ADGRG2: variants seen among roughly 807,000 people sequenced by gnomAD.
The protein encoded by ADGRG2 is adhesion G protein-coupled receptor G2, also known as G protein-coupled receptor 64.
ADGRG2 carries 26 observed loss-of-function variants against 74.1 expected under a neutral mutation model. The ratio of observed to expected loss-of-function variants is 0.35; its 90% CI spans 0.26 to 0.49. ADGRG2 has a LOEUF of 0.49. Among genes scored for constraint, ADGRG2 ranks in the 20% least tolerant of loss-of-function variants. The pLI is 0.99. For synonymous variants in ADGRG2, 296 were observed against 295.2 expected (o/e 1.00, Z -0.03); for missense variants, 619 against 763.1 (o/e 0.81, Z 2.22).
chrX:18,994,780 T>C, intron 28 of ADGRG2, 116 bp downstream of exon 28: 1 of 422,965 alleles, frequency 2.4e-6, no homozygotes, highest in Non-Finnish European at 3.9e-6. Context: ...TTTGATCCAC[T>C]AGTCATATAT....
At chrX:19,028,325 A>G (rs1288231667) in intron 9 of ADGRG2, 87 bp from the exon 10 acceptor site, 1 of 435,297 alleles carries the variant, frequency 2.3e-6, no homozygotes, top group Non-Finnish European at 4.0e-6. Context: ...TTATCAAATT[A>G]TAAAGTTTCA....
At chrX:19,066,629 A>G (rs1304154841) in intron 3 of ADGRG2, among the ~76,000 whole-genome samples, 1 of 107,709 alleles carries the variant, frequency 9.3e-6, no homozygotes, top group Non-Finnish European at 1.9e-5. Context: ...CTAATTTTTC[A>G]TGTTATTTCA....
At chrX:19,094,800 G>C (rs1333496116) in intron 1 of ADGRG2, among the ~76,000 whole-genome samples, 1 of 112,871 alleles carries the variant, frequency 8.9e-6, no homozygotes, top group African/African-American at 3.2e-5. Flanking sequence ...GTACGGTAGG[G>C]TGGAGGGAGC....
At chrX:19,101,191 T>C (rs1180450356) in intron 1 of ADGRG2, among the ~76,000 whole-genome samples, 2 of 109,216 alleles carry the variant, frequency 1.8e-5, no homozygotes, top group Non-Finnish European at 3.8e-5. Flanking sequence ...TCAGTTGTTC[T>C]CTGGGAGTGG....
At chrX:19,096,255 A>T (rs1290916123) in intron 1 of ADGRG2, among the ~76,000 whole-genome samples, 1 of 108,569 alleles carries the variant, frequency 9.2e-6, no homozygotes, top group Non-Finnish European at 1.9e-5. Context: ...TACCAAAAAT[A>T]AAAAAATTAG....
At chrX:19,024,942 C>G (rs1843899781) in intron 11 of ADGRG2, among the ~76,000 whole-genome samples, 1 of 111,974 alleles carries the variant, frequency 8.9e-6, no homozygotes, top group Admixed American at 9.4e-5. Context: ...ACCATCATGC[C>G]TGGCTAATTT....
chrX:19,005,178 A>G (rs2060204789), intron 22 of ADGRG2, among the ~76,000 whole-genome samples: 1 of 112,320 alleles, frequency 8.9e-6, no homozygotes, highest in Non-Finnish European at 1.9e-5. Context: ...GAACTGGACT[A>G]GGAGCCTAAA....
intron 1 of ADGRG2, among the ~76,000 whole-genome samples, chrX:19,119,353 CCA>C (rs1388791377): frequency 8.9e-6 from 1 of 112,130 alleles, no homozygotes; most frequent in Non-Finnish European, 1.9e-5. Context: ...CCACCTCACA[CCA>C]CAATCCCAAA....
intron 11 of ADGRG2, among the ~76,000 whole-genome samples, chrX:19,024,282 A>C (rs891043373): frequency 9.0e-6 from 1 of 110,549 alleles, no homozygotes; most frequent in African/African-American, 3.3e-5. Context: ...CCAGGCAAAA[A>C]TTTTCGAGAG....
upstream of ADGRG2, among the ~76,000 whole-genome samples, chrX:19,122,862 GGGACCCCAAC>G (rs2147111315): frequency 8.9e-6 from 1 of 111,842 alleles, no homozygotes; most frequent in East Asian, 2.9e-4. Context: ...CTCCTCCTTG[GGGACCCCAAC>G]GGACCCCAAC....
In ADGRG2 at chrX:18,989,631, G is replaced by A. The variant is rs1347757683; in HGVS notation, c.*1233C>T. ...GAGCAATCAAGGCTCGATACATGTA[G>A]CAACAATAGCAGTGTAGGACAGTTC... On this transcript the variant is annotated 3_prime_UTR_variant, in exon 29 of 29. Coordinates refer to ENST00000379869, the MANE Select transcript of ADGRG2 (RefSeq NM_001079858.3). 1 of 111,990 alleles carries A rather than the reference G, an allele frequency of 8.9e-6. No homozygotes were observed. The highest frequency in any genetic ancestry group is 1.9e-5 in the Non-Finnish European group (1 of 53,201). The allele number at this position is 111,990 out of a possible 1,213,427, so 9.2% of individuals were successfully genotyped here. A position where few individuals can be genotyped will look rare whatever the true frequency, so the allele number is the denominator to read the frequency against.
At position 19,005,520 on chromosome X, in the gene ADGRG2, G is replaced by A. The variant is rs772814708; in HGVS notation, c.1839+482C>T. Among the ~76,000 whole-genome samples the A allele has an allele frequency of 5.5e-5, 6 of 109,322 alleles. No individual in the cohort carries two copies. In the South Asian group the frequency reaches 2.3e-3, roughly 43 times the overall value. 94.9% of individuals were successfully genotyped at this position (109,322 alleles called of 115,157 possible). On this transcript the variant is annotated intron_variant, in intron 22 of 28. Coordinates refer to ENST00000379869, the MANE Select transcript of ADGRG2 (RefSeq NM_001079858.3). ...TTCATGTTCAGGTATTTTCCTTCAG[G>A]TGCATTTGCTTATTAGAAGAGGAAT...
rs770539784 is a variant in ADGRG2 at position 19,006,126 on chromosome X, A to T, written c.1736-21T>A. On this transcript the variant is annotated intron_variant, in intron 21 of 28. Coordinates refer to ENST00000379869, the MANE Select transcript of ADGRG2 (RefSeq NM_001079858.3). ...GCCACCTGTTGGCATTGGGAAGAAC[A>T]TCTGTCCCATCAGCAAGGCCACAGC... 3.5e-6 allele frequency: 4 copies of T among 1,140,702 alleles called. No individual in the cohort carries two copies. In the Admixed American group the frequency reaches 8.7e-5, roughly 25 times the overall value. 94.0% of individuals were successfully genotyped at this position (1,140,702 alleles called of 1,213,427 possible). A position where few individuals can be genotyped will look rare whatever the true frequency, so the allele number is the denominator to read the frequency against.
chrX:19,040,550 A>G (rs1159099521), intron 3 of ADGRG2, among the ~76,000 whole-genome samples: 3 of 112,464 alleles, frequency 2.7e-5, no homozygotes, highest in Non-Finnish European at 3.8e-5. Flanking sequence ...ATAGCTACCA[A>G]AAGAGGGCAG....
At chrX:19,055,202 C>T (rs1038444327) in intron 3 of ADGRG2, among the ~76,000 whole-genome samples, 26 of 112,042 alleles carry the variant, frequency 2.3e-4, no homozygotes, top group Admixed American at 7.5e-4. Flanking sequence ...AACCAGCTCC[C>T]ACAGTTGTAT....
In ADGRG2 at chrX:19,013,960, T is replaced by C; in HGVS notation, c.825A>G (p.Lys275=). The C allele has an allele frequency of 8.3e-7, 1 of 1,210,689 alleles. No individual in the cohort carries two copies. The highest frequency in any genetic ancestry group is 1.1e-6 in the Non-Finnish European group (1 of 895,109). ...CTGGAGGCTCAGCAAAAGAGGTAGC[T>C]TTGGGGACCTGGGAAAGCACAGTGG... The part of the protein sequence containing the change: ...PRATVLSQVP[K]ATSFAEPPDY... Residue 275 remains lysine, a synonymous_variant, in exon 16 of 29, where the codon AAA becomes AAG. Coordinates refer to ENST00000379869, the MANE Select transcript of ADGRG2 (RefSeq NM_001079858.3).
chrX:19,119,960 C>CT (rs946113597), intron 1 of ADGRG2, among the ~76,000 whole-genome samples: 23 of 112,074 alleles, frequency 2.1e-4, no homozygotes, highest in African/African-American at 7.4e-4. Flanking sequence ...TCCAACATTT[C>CT]TTTTTTCTAG....
At chrX:19,114,476 A>C (rs1054779660) in intron 1 of ADGRG2, among the ~76,000 whole-genome samples, 3 of 111,545 alleles carry the variant, frequency 2.7e-5, no homozygotes, top group Non-Finnish European at 3.8e-5. Context: ...TCCCCCAGTG[A>C]TTCCAGTGGG....
At chrX:19,095,011 A>G in intron 1 of ADGRG2, among the ~76,000 whole-genome samples, 1 of 112,129 alleles carries the variant, frequency 8.9e-6, no homozygotes, top group East Asian at 2.8e-4. Flanking sequence ...TGACAGGTTC[A>G]ACGGTTCCCA....
Sources: gnomAD v4.1 joint callset for allele counts (sites outside exome capture counted in the v4.1 genomes callset) on GRCh38, gnomAD v4.1.1 for gene constraint, MANE v1.5 for transcripts, NCBI Gene and HGNC (gene_info 2026-07-23, HGNC 2026-07-21) for gene names.